The following GMEB1 variants were observed in gnomAD, a reference collection of about 807,000 sequenced individuals.
GMEB1 encodes glucocorticoid modulatory element-binding protein 1.
GMEB1 carries 6 observed loss-of-function variants against 52.4 expected under a neutral mutation model. The observed-to-expected ratio is 0.11, with a 90% CI of 0.06 to 0.23. The LOEUF is 0.23. Among genes scored for constraint, GMEB1 ranks in the 10% least tolerant of loss-of-function variants. The pLI is 1.00. For missense variants in GMEB1, 486 were observed against 685.6 expected, an observed-to-expected ratio of 0.71 and a Z score of 3.25; for synonymous variants, 255 against 244.9, an observed-to-expected ratio of 1.04 and a Z score of -0.38.
chr1:28,693,335 A>T (rs576572924), intron 5 of GMEB1, among the ~76,000 whole-genome samples: 2 of 150,428 alleles, frequency 1.3e-5, no homozygotes, highest in East Asian at 3.9e-4. Context: ...TCTCTGCCTC[A>T]GCCTCCCGAG....
intron 8 of GMEB1, among the ~76,000 whole-genome samples, chr1:28,707,793 C>T (rs1053396597): frequency 2.6e-5 from 4 of 152,088 alleles, no homozygotes; most frequent in Non-Finnish European, 4.4e-5. Context: ...TGGGAGTGCT[C>T]AGCATGTGTG....
intron 5 of GMEB1, among the ~76,000 whole-genome samples, chr1:28,695,938 C>CAAAAAAAA (rs58978972): frequency 2.4e-5 from 1 of 41,054 alleles, no homozygotes; most frequent in Non-Finnish European, 4.0e-5. Context: ...GACTCCGTCT[C>CAAAAAAAA]AAAAAAAAAA....
chr1:28,684,512 G>A (rs1166335917), intron 2 of GMEB1, among the ~76,000 whole-genome samples: 11 of 146,244 alleles, frequency 7.5e-5, no homozygotes, highest in African/African-American at 2.8e-4. Flanking sequence ...GTAGTGAGCC[G>A]AGATCGCGCC....
chr1:28,717,083 C>G lies in GMEB1; in HGVS notation c.*2310C>G, dbSNP rs1473969935. ...CACCTTTCAGAAGCCATGTTTCTTC[C>G]AACAGATGTTGGAAACCCCATCGAG... On this transcript the variant is annotated 3_prime_UTR_variant, in exon 10 of 10. Coordinates refer to ENST00000373816, the MANE Select transcript of GMEB1 (RefSeq NM_001319674.2). 1.3e-5 allele frequency: 2 copies of G among 151,144 alleles called. No individual in the cohort carries two copies. The highest frequency in any genetic ancestry group is 2.9e-5 in the Non-Finnish European group (2 of 67,896). 9.4% of individuals were successfully genotyped at this position (151,144 alleles called of 1,614,324 possible).
intron 9 of GMEB1, among the ~76,000 whole-genome samples, chr1:28,713,676 C>T (rs1318764799): frequency 1.3e-5 from 2 of 152,306 alleles, no homozygotes; most frequent in African/African-American, 4.8e-5. Flanking sequence ...GCATTCTTGC[C>T]TTGAAGGATA....
chr1:28,704,990 G>T (rs1229463533), intron 8 of GMEB1, among the ~76,000 whole-genome samples: 1 of 151,534 alleles, frequency 6.6e-6, no homozygotes, highest in African/African-American at 2.4e-5. Flanking sequence ...CTGAGGCATA[G>T]GAGAATCACT....
intron 8 of GMEB1, among the ~76,000 whole-genome samples, chr1:28,705,609 C>T (rs1419658427): frequency 6.6e-6 from 1 of 151,324 alleles, no homozygotes; most frequent in Non-Finnish European, 1.5e-5. Flanking sequence ...GCCACCACAC[C>T]CAGCTAATTT....
chr1:28,713,861 G>A (rs1342601195), intron 9 of GMEB1, among the ~76,000 whole-genome samples: 1 of 152,088 alleles, frequency 6.6e-6, no homozygotes, highest in Non-Finnish European at 1.5e-5. Flanking sequence ...AGTGCGCAAT[G>A]ATAGCACCTG....
intron 1 of GMEB1, among the ~76,000 whole-genome samples, chr1:28,677,045 CTT>C (rs1217585770): frequency 6.6e-6 from 1 of 152,080 alleles, no homozygotes; most frequent in Non-Finnish European, 1.5e-5. Flanking sequence ...AAAATCGAGA[CTT>C]TGTCTCAAAA....
intron 7 of GMEB1, among the ~76,000 whole-genome samples, chr1:28,702,976 C>T (rs1670586849): frequency 6.6e-6 from 1 of 152,104 alleles, no homozygotes; most frequent in African/African-American, 2.4e-5. Flanking sequence ...GAGATCGCGC[C>T]ACTGCACTCC....
chr1:28,710,727 A>AAT, intron 9 of GMEB1, 85 bp downstream of exon 9: 3 of 973,608 alleles, frequency 3.1e-6, no homozygotes, highest in East Asian at 7.0e-5. Flanking sequence ...TGTTGGGGTA[A>AAT]CTTTTTTTTT....
At chr1:28,699,402 G>A (rs1296197213) in intron 6 of GMEB1, among the ~76,000 whole-genome samples, 1 of 151,970 alleles carries the variant, frequency 6.6e-6, no homozygotes, top group Non-Finnish European at 1.5e-5. Flanking sequence ...GATCTAAAAG[G>A]TTAGGGACAT....
chr1:28,716,991 G>C lies in GMEB1; in HGVS notation c.*2218G>C, dbSNP rs2124608973. On this transcript the variant is annotated 3_prime_UTR_variant, in exon 10 of 10. Transcript: ENST00000373816. ...AAAGCACACACCTTAAGAGTGGGAG[G>C]AATATTTTTATTAAAAACAAAACTT... The C allele has an allele frequency of 6.6e-6, 1 of 151,316 alleles. No homozygotes were observed. The highest frequency in any genetic ancestry group is 2.4e-5 in the African/African-American group (1 of 41,310). 9.4% of individuals were successfully genotyped at this position (151,316 alleles called of 1,614,324 possible). A position where few individuals can be genotyped will look rare whatever the true frequency, so the allele number is the denominator to read the frequency against.
intron 6 of GMEB1, among the ~76,000 whole-genome samples, chr1:28,701,657 C>A (rs1670524055): frequency 6.6e-6 from 1 of 151,974 alleles, no homozygotes; most frequent in African/African-American, 2.4e-5. Context: ...CAGTCTTAAG[C>A]CCCTGGGCTC....
At chr1:28,707,302 T>G (rs1197839471) in intron 8 of GMEB1, among the ~76,000 whole-genome samples, 1 of 151,990 alleles carries the variant, frequency 6.6e-6, no homozygotes, top group East Asian at 1.9e-4. Context: ...GATTTAAAAT[T>G]TTAAATCTCT....
intron 7 of GMEB1, among the ~76,000 whole-genome samples, chr1:28,703,185 TAA>T (rs1043835106): frequency 2.6e-5 from 4 of 152,180 alleles, no homozygotes; most frequent in African/African-American, 9.7e-5. Context: ...TTAGATAGAC[TAA>T]GTTTTGAGAT....
chr1:28,686,073 G>A (rs1337099989), intron 2 of GMEB1, among the ~76,000 whole-genome samples: 2 of 152,170 alleles, frequency 1.3e-5, no homozygotes, highest in East Asian at 1.9e-4. Flanking sequence ...GGGTGCAGTG[G>A]CTCATGCCTG....
intron 1 of GMEB1, among the ~76,000 whole-genome samples, chr1:28,672,120 AAATT>A (rs1668912690): frequency 6.6e-6 from 1 of 151,840 alleles, no homozygotes; most frequent in South Asian, 2.1e-4. Flanking sequence ...CTCAAAAAAA[AAATT>A]AAATAAATAT....
At chr1:28,702,370 T>G in intron 6 of GMEB1, 68 bp from the exon 7 acceptor site, 49 of 1,286,268 alleles carry the variant, frequency 3.8e-5, no homozygotes, top group Middle Eastern at 1.9e-4. Context: ...CTATTGAGTA[T>G]GAGATATAGG....
Sources: allele counts gnomAD v4.1 joint callset (sites outside exome capture counted in the v4.1 genomes callset), GRCh38; gene constraint gnomAD v4.1.1; transcripts MANE v1.5; gene names NCBI Gene and HGNC (gene_info 2026-07-23, HGNC 2026-07-21).